FAM83C: variants seen among roughly 807,000 people sequenced by gnomAD.
FAM83C encodes scaffolding CK1 anchoring protein C, also known as protein FAM83C.
FAM83C carries 23 observed loss-of-function variants against 27.1 expected under a neutral mutation model. That is an observed-to-expected ratio of 0.85 (90% CI 0.61 to 1.20). The LOEUF is 1.20. Ranked by LOEUF, FAM83C falls within the 50% of genes most tolerant of loss-of-function variation. The pLI is 0.00. For missense variants in FAM83C, 984 were observed against 1,001.3 expected (o/e 0.98, Z 0.23); for synonymous variants, 426 against 423.1 (o/e 1.01, Z -0.09).
Position 35,287,927 on chromosome 20 carries a change from CTGCAGCACCA to C in FAM83C, c.842_851del (p.Met281SerfsTer2). The C allele has an allele frequency of 1.3e-6, 2 of 1,557,110 alleles. No homozygotes were observed. Among genetic ancestry groups the C allele is most frequent in the Non-Finnish European group, 1.7e-6 (2 of 1,149,612 alleles). Reference sequence around the variant, plus strand: ...AGTCTTCCACGATGCGGCCCCTCAGCTGCAGCACCATGCTAGTGTGGGCCTGGCTGCAAAG... The same window carrying C: ...AGTCTTCCACGATGCGGCCCCTCAGCTGCTAGTGTGGGCCTGGCTGCAAAG... On this transcript the variant is annotated frameshift_variant, in exon 4 of 4. Coordinates refer to ENST00000374408, the MANE Select transcript of FAM83C (RefSeq NM_178468.6). LOFTEE classifies it low-confidence loss of function (END_TRUNC).
intron 1 of FAM83C, among the ~76,000 whole-genome samples, chr20:35,291,167 C>CCCTT (rs1568636109): frequency 1.7e-4 from 26 of 152,232 alleles, no homozygotes; most frequent in Non-Finnish European, 2.8e-4. Context: ...GCCAAAGAGG[C>CCCTT]CCACACGCTG....
At position 35,287,989 on chromosome 20, in the gene FAM83C, AG is replaced by A. The variant is rs944347024; in HGVS notation, c.807-18del. The A allele has an allele frequency of 1.0e-5, 16 of 1,557,068 alleles. No individual in the cohort carries two copies. Among genetic ancestry groups the A allele is most frequent in the East Asian group, 2.4e-5 (1 of 42,388 alleles). On this transcript the variant is annotated intron_variant, in intron 3 of 3. Transcript: ENST00000374408. ...CAGGTGAAGCTGGGGGCAGAGGGACAGGGGGGTCAGGAGGCAAAGTGCAGGA... is the reference window on the plus strand; with the variant it reads ...CAGGTGAAGCTGGGGGCAGAGGGACAGGGGGTCAGGAGGCAAAGTGCAGGA...
chr20:35,291,197 GC>G (rs922285434), intron 1 of FAM83C, among the ~76,000 whole-genome samples: 2 of 152,176 alleles, frequency 1.3e-5, no homozygotes, highest in African/African-American at 4.8e-5. Context: ...CCTGCTTCAG[GC>G]CCAGCTGCAG....
Position 35,286,183 on chromosome 20 carries a change from C to T in FAM83C, c.*352G>A. On this transcript the variant is annotated 3_prime_UTR_variant, in exon 4 of 4. Coordinates refer to ENST00000374408, the MANE Select transcript of FAM83C (RefSeq NM_178468.6). ...TCCAGGACTCTCTGCCCTTTGTTTT[C>T]TAACACCCTCTGTAACTGGTTAACC... 1 of 212,044 alleles carries T rather than the reference C, an allele frequency of 4.7e-6. No homozygotes were observed. Among genetic ancestry groups the T allele is most frequent in the Admixed American group, 5.4e-5 (1 of 18,446 alleles). 13.1% of individuals were successfully genotyped at this position (212,044 alleles called of 1,614,324 possible). A position where few individuals can be genotyped will look rare whatever the true frequency, so the allele number is the denominator to read the frequency against.
At position 35,287,832 on chromosome 20, in the gene FAM83C, G is replaced by A. The variant is rs746173081; in HGVS notation, c.947C>T (p.Pro316Leu). ...AGGACGCAGTGCCCGGGGAGACAGC[G>A]GGTCCTCACCGCCACAGAAGCCCTC... ...PVEGFCGGED[P>L]LSPRALRPPP... The change falls in exon 4 of 4, where the codon CCG (proline) becomes CTG (leucine). Residue 316 changes from proline (P) to leucine (L), a missense_variant. Physicochemically the swap from Pro to Leu is moderately conservative, Grantham distance 98 (BLOSUM62 -3). Transcript: ENST00000374408. 1.8e-5 allele frequency: 29 copies of A among 1,572,332 alleles called. No homozygotes were observed. The highest frequency in any genetic ancestry group is 1.7e-4 in the Middle Eastern group (1 of 6,032).
At chr20:35,288,011 C>A (rs1163272802) in intron 3 of FAM83C, 39 bp from the exon 4 acceptor site, 3 of 1,527,012 alleles carry the variant, frequency 2.0e-6, no homozygotes, top group Non-Finnish European at 2.7e-6. Flanking sequence ...AGGCAAAGTG[C>A]AGGATCCTGG....
chr20:35,287,330 C>A lies in FAM83C; in HGVS notation c.1449G>T (p.Trp483Cys). Reference sequence around the variant, plus strand: ...CTGTCTCCAGGGTTGTGCCAGGTACCCATCGACCCCGCAGGGGGCTGGGCT... The same window carrying A: ...CTGTCTCCAGGGTTGTGCCAGGTACACATCGACCCCGCAGGGGGCTGGGCT... ...SQEPSPLRGR[W>C]VPGTTLETVE... The change falls in exon 4 of 4, where the codon TGG becomes TGT. Residue 483 changes from tryptophan to cysteine, a missense_variant. Coordinates refer to ENST00000374408, the MANE Select transcript of FAM83C (RefSeq NM_178468.6). 1.2e-6 allele frequency: 2 copies of A among 1,613,778 alleles called. No homozygotes were observed. Among genetic ancestry groups the A allele is most frequent in the South Asian group, 1.1e-5 (1 of 91,088 alleles).
In FAM83C at chr20:35,286,844, A is replaced by G; in HGVS notation, c.1935T>C (p.Arg645=). Reference sequence around the variant, plus strand: ...GACCATTGGGCCCAGGCCCCTCACCACGGAATGGGCCGAACTTTGTGATGA... The same window carrying G: ...GACCATTGGGCCCAGGCCCCTCACCGCGGAATGGGCCGAACTTTGTGATGA... ...LDLITKFGPF[R]GEGPGPNGLP... Residue 645 remains arginine (R), a synonymous_variant, in exon 4 of 4, where the codon CGT becomes CGC. Transcript: ENST00000374408. 1.2e-6 allele frequency: 2 copies of G among 1,613,082 alleles called. No individual in the cohort carries two copies. Among genetic ancestry groups the G allele is most frequent in the Non-Finnish European group, 1.7e-6 (2 of 1,179,758 alleles).
rs768786300 is a variant in FAM83C at position 35,286,354 on chromosome 20, G to GGTGT, written c.*177_*180dup. 6.4e-5 allele frequency: 33 copies of GGTGT among 512,538 alleles called. No individual in the cohort carries two copies. The highest frequency in any genetic ancestry group is 9.2e-5 in the Non-Finnish European group (27 of 294,230). 31.7% of individuals were successfully genotyped at this position (512,538 alleles called of 1,614,324 possible). A position where few individuals can be genotyped will look rare whatever the true frequency, so the allele number is the denominator to read the frequency against. On this transcript the variant is annotated 3_prime_UTR_variant, in exon 4 of 4. Transcript: ENST00000374408. ...CTAGATTCAAGAAGATACTAGTTAG[G>GGTGT]GTGTGTGTGTGTGTGTGTGTGTGTG...
Position 35,292,082 on chromosome 20 carries a change from C to T in FAM83C, c.223G>A (p.Ala75Thr), listed in dbSNP as rs538477225. 12 of 1,609,640 alleles carry T rather than the reference C, an allele frequency of 7.5e-6. No homozygotes were observed. The highest frequency in any genetic ancestry group is 5.3e-5 in the African/African-American group (4 of 75,044). Residue 75 changes from alanine to threonine, a missense_variant, in exon 1 of 4, where the codon GCC (alanine) becomes ACC (threonine). Ala to Thr is a moderately conservative substitution (Grantham distance 58). Coordinates refer to ENST00000374408, the MANE Select transcript of FAM83C (RefSeq NM_178468.6). ...CTGGTCATGTAGTCCACATCCAGGG[C>T]GCTCAGGAAGGGCAGCTCCCGCTCC... ...SEERELPFLSALDVDYMTSHV... is the reference protein window; with the variant it reads ...SEERELPFLSTLDVDYMTSHV...
In FAM83C at chr20:35,287,553, A is replaced by C. The variant is rs768982491; in HGVS notation, c.1226T>G (p.Leu409Arg). ...SDPNHGSPPG[L>R]YRANLGKLGA... ...TAGCTTGCCGAGATTGGCCCTATAG[A>C]GCCCAGGAGGGGAGCCGTGGTTAGG... The change falls in exon 4 of 4, where the codon CTC becomes CGC. Residue 409 changes from leucine to arginine, a missense_variant. Physicochemically the swap from Leu to Arg is moderately radical, Grantham distance 102 (BLOSUM62 -2). Coordinates refer to ENST00000374408, the MANE Select transcript of FAM83C (RefSeq NM_178468.6). The C allele has an allele frequency of 8.1e-6, 13 of 1,613,902 alleles. No homozygotes were observed. In the African/African-American group the frequency reaches 1.5e-4, roughly 18 times the overall value.
Position 35,285,993 on chromosome 20 carries a change from C to G in FAM83C, c.*542G>C, listed in dbSNP as rs2060821625. On this transcript the variant is annotated 3_prime_UTR_variant, in exon 4 of 4. Coordinates refer to ENST00000374408, the MANE Select transcript of FAM83C (RefSeq NM_178468.6). The stretch of plus-strand genomic sequence containing the variant: ...TCTGCTCTTCCTCACTCATTCACCT[C>G]AGACCCACTCAGTCCTCTTTAGGGC... 2 of 155,532 alleles carry G rather than the reference C, an allele frequency of 1.3e-5. No homozygotes were observed. The highest frequency in any genetic ancestry group is 1.9e-4 in the East Asian group (1 of 5,158). 9.6% of individuals were successfully genotyped at this position (155,532 alleles called of 1,614,324 possible).
rs959854480 is a variant in FAM83C at position 35,292,387 on chromosome 20, A to C, written c.-83T>G. The stretch of plus-strand genomic sequence containing the variant: ...GCTGCAGCAGGAAGAGGAGACCAGC[A>C]GAACCGCCTTCTGCCCGCCCGCTCG... On this transcript the variant is annotated 5_prime_UTR_variant, in exon 1 of 4. Transcript: ENST00000374408. 8.8e-5 allele frequency: 125 copies of C among 1,427,932 alleles called. No individual in the cohort carries two copies. The highest frequency in any genetic ancestry group is 1.0e-4 in the Non-Finnish European group (114 of 1,096,764). The allele number at this position is 1,427,932 out of a possible 1,614,324, so 88.5% of individuals were successfully genotyped here. A position where few individuals can be genotyped will look rare whatever the true frequency, so the allele number is the denominator to read the frequency against.
intron 1 of FAM83C, among the ~76,000 whole-genome samples, chr20:35,291,053 C>T (rs1201383217): frequency 6.6e-6 from 1 of 152,192 alleles, no homozygotes; most frequent in African/African-American, 2.4e-5. Flanking sequence ...CCCCTACCTG[C>T]CCTCCCAATT....
intron 1 of FAM83C, among the ~76,000 whole-genome samples, 156 bp from the exon 2 acceptor site, chr20:35,289,114 T>C (rs772266944): frequency 1.2e-4 from 18 of 152,184 alleles, no homozygotes; most frequent in Non-Finnish European, 2.2e-4. Context: ...GAAGGGCACT[T>C]AGCAGTGACC....
At position 35,287,642 on chromosome 20, in the gene FAM83C, C is replaced by T. The variant is rs759484091; in HGVS notation, c.1137G>A (p.Ser379=). 1.7e-5 allele frequency: 27 copies of T among 1,613,762 alleles called. No homozygotes were observed. Among genetic ancestry groups the T allele is most frequent in the African/African-American group, 9.3e-5 (7 of 74,896 alleles). ...CCTCACGGCGGGCAGGACCCAGGGA[C>T]GAGGACACCACACCCGTATCACTGC... ...GDCSDTGVVS[S]SLGPARREAS... Residue 379 remains serine (S), a synonymous_variant, in exon 4 of 4, where the codon TCG becomes TCA. Coordinates refer to ENST00000374408, the MANE Select transcript of FAM83C (RefSeq NM_178468.6).
intron 1 of FAM83C, among the ~76,000 whole-genome samples, chr20:35,290,819 A>G (rs1365349209): frequency 6.6e-6 from 1 of 152,156 alleles, no homozygotes; most frequent in Non-Finnish European, 1.5e-5. Flanking sequence ...GATGCCAATC[A>G]GGCCTGGCCG....
chr20:35,286,925 A>G lies in FAM83C; in HGVS notation c.1854T>C (p.Pro618=). The G allele has an allele frequency of 6.2e-7, 1 of 1,614,068 alleles. No individual in the cohort carries two copies. Among genetic ancestry groups the G allele is most frequent in the Non-Finnish European group, 8.5e-7 (1 of 1,180,024 alleles). The stretch of plus-strand genomic sequence containing the variant: ...GCCGCTCATCTGGTGCCCGTCTGGC[A>G]GGTCTGGCTGAGGAGTTGGTTTCAA... ...VPLETNSSAR[P]ARRAPDERRQ... The change falls in exon 4 of 4, where the codon CCT becomes CCC. Residue 618 remains proline, a synonymous_variant. Coordinates refer to ENST00000374408, the MANE Select transcript of FAM83C (RefSeq NM_178468.6).
chr20:35,288,317 C>T (rs2060836292), intron 3 of FAM83C, 144 bp downstream of exon 3: 3 of 1,435,316 alleles, frequency 2.1e-6, no homozygotes, highest in African/African-American at 2.8e-5. Flanking sequence ...ATGCCCCCGA[C>T]ACCCTCCCCT....
Sources: gnomAD v4.1 joint callset for allele counts (sites outside exome capture counted in the v4.1 genomes callset) on GRCh38, gnomAD v4.1.1 for gene constraint, MANE v1.5 for transcripts, NCBI Gene and HGNC (gene_info 2026-07-23, HGNC 2026-07-21) for gene names.